The following CLNK variants were observed in gnomAD, a reference collection of about 807,000 sequenced individuals.
CLNK encodes the protein cytokine dependent hematopoietic cell linker.
Under a neutral mutation model 68.6 loss-of-function variants are expected in CLNK, and 74 were observed. The observed-to-expected ratio is 1.08, with a 90% CI of 0.89 to 1.31. CLNK has a LOEUF of 1.31. Ranked by LOEUF, CLNK falls within the 50% of genes most tolerant of loss-of-function variation. The pLI, the probability that CLNK is intolerant of heterozygous loss-of-function variation, is 0.00. For synonymous variants in CLNK, 198 were observed against 172.2 expected (o/e 1.15, Z -1.17); for missense variants, 553 against 515.3 (o/e 1.07, Z -0.71).
chr4:10,618,706 C>T (rs1159320431), intron 2 of CLNK, among the ~76,000 whole-genome samples: 1 of 152,078 alleles, frequency 6.6e-6, no homozygotes, highest in Non-Finnish European at 1.5e-5. Flanking sequence ...GAAGCAGAAG[C>T]AGGCACATCT....
At chr4:10,531,580 T>C (rs1345009443) in intron 12 of CLNK, 2 of 356,862 alleles carry the variant, frequency 5.6e-6, no homozygotes, top group East Asian at 1.5e-4. Context: ...TGGCTGGGAT[T>C]ACAGGCATGC....
intron 2 of CLNK, among the ~76,000 whole-genome samples, chr4:10,651,647 C>A (rs767134990): frequency 1.3e-5 from 2 of 151,784 alleles, no homozygotes; most frequent in Non-Finnish European, 1.5e-5. Flanking sequence ...AGTATGCTAA[C>A]TATTTGGGTA....
At chr4:10,716,684 A>C in the CLNK span, among the ~76,000 whole-genome samples, 1 of 91,788 alleles carries the variant, frequency 1.1e-5, no homozygotes, top group East Asian at 4.5e-4. Flanking sequence ...CAAGACAGAA[A>C]ACTTTTTTTT....
At chr4:10,690,245 C>A in the CLNK span, among the ~76,000 whole-genome samples, 11 of 152,088 alleles carry the variant, frequency 7.2e-5, no homozygotes, top group Non-Finnish European at 2.9e-5. Flanking sequence ...CTTCCTGGCC[C>A]AACCACCCTG....
At chr4:10,527,031 C>G (rs985530390) in intron 13 of CLNK, among the ~76,000 whole-genome samples, 1 of 152,136 alleles carries the variant, frequency 6.6e-6, no homozygotes, top group Non-Finnish European at 1.5e-5. Flanking sequence ...ATCGAAGGAC[C>G]GTGATTACTT....
intron 11 of CLNK, among the ~76,000 whole-genome samples, chr4:10,535,235 G>GAAAGAAAGAAAGAA (rs1553847879): frequency 3.3e-5 from 5 of 149,908 alleles, no homozygotes; most frequent in Non-Finnish European, 7.4e-5. Flanking sequence ...AAGAAAGAAA[G>GAAAGAAAGAAAGAA]AAAGAAAGAA....
the CLNK span, among the ~76,000 whole-genome samples, chr4:10,722,571 G>T: frequency 6.6e-6 from 1 of 152,180 alleles, no homozygotes; most frequent in Admixed American, 6.5e-5. Flanking sequence ...AATGTTACCA[G>T]TTGAGGGTGT....
the CLNK span, among the ~76,000 whole-genome samples, chr4:10,724,472 T>G: frequency 7.1e-6 from 1 of 141,340 alleles, no homozygotes; most frequent in East Asian, 2.2e-4. Context: ...TGATATTACA[T>G]TTTTAGTTAG....
At chr4:10,658,241 T>G (rs987057604) in intron 2 of CLNK, among the ~76,000 whole-genome samples, 1 of 152,232 alleles carries the variant, frequency 6.6e-6, no homozygotes, top group African/African-American at 2.4e-5. Context: ...GATTTATTAT[T>G]ATTCTCACTT....
At chr4:10,684,404 G>T (rs1329802079) in intron 1 of CLNK, among the ~76,000 whole-genome samples, 1 of 152,132 alleles carries the variant, frequency 6.6e-6, no homozygotes, top group African/African-American at 2.4e-5. Context: ...GGGAGTCCAA[G>T]CTCCAGGAAA....
At chr4:10,665,191 G>T (rs1386910812) in intron 2 of CLNK, among the ~76,000 whole-genome samples, 2 of 152,218 alleles carry the variant, frequency 1.3e-5, no homozygotes, top group Non-Finnish European at 2.9e-5. Context: ...CGCATTGCCA[G>T]CTTCAAATCT....
intron 2 of CLNK, among the ~76,000 whole-genome samples, chr4:10,640,932 A>G (rs1723282269): frequency 1.3e-5 from 2 of 152,220 alleles, no homozygotes; most frequent in Non-Finnish European, 2.9e-5. Flanking sequence ...TATAGCTAGA[A>G]GTGAAGCCAC....
At chr4:10,561,084 A>G (rs1171597191) in intron 7 of CLNK, among the ~76,000 whole-genome samples, 1 of 151,308 alleles carries the variant, frequency 6.6e-6, no homozygotes, top group Non-Finnish European at 1.5e-5. Flanking sequence ...ATTTTTTTTT[A>G]GAGATGAGAT....
intron 6 of CLNK, 106 bp from the exon 7 acceptor site, chr4:10,564,883 A>C: frequency 1.4e-6 from 1 of 715,020 alleles, no homozygotes; most frequent in South Asian, 1.6e-5. Context: ...TTACAACGTA[A>C]GTAAGAGCAA....
chr4:10,520,607 C>T (rs1718017434), intron 15 of CLNK, among the ~76,000 whole-genome samples, 184 bp downstream of exon 15: 1 of 152,166 alleles, frequency 6.6e-6, no homozygotes, highest in Admixed American at 6.5e-5. Context: ...CTAGAAACCA[C>T]CTAAGTGATC....
At chr4:10,496,609 G>T (rs1716818316) in intron 18 of CLNK, among the ~76,000 whole-genome samples, 1 of 152,206 alleles carries the variant, frequency 6.6e-6, no homozygotes, top group Non-Finnish European at 1.5e-5. Context: ...TTTCAAACGG[G>T]TGAGGGATTG....
chr4:10,663,148 A>G (rs1341941756), intron 2 of CLNK, among the ~76,000 whole-genome samples: 1 of 152,198 alleles, frequency 6.6e-6, no homozygotes, highest in African/African-American at 2.4e-5. Context: ...CTGGAAACCA[A>G]ACCCCAAGAT....
intron 16 of CLNK, among the ~76,000 whole-genome samples, chr4:10,511,598 G>A (rs961085258): frequency 1.3e-5 from 2 of 152,084 alleles, no homozygotes; most frequent in African/African-American, 4.8e-5. Flanking sequence ...TAGGTACCTT[G>A]TATTCCTGGA....
intron 14 of CLNK, among the ~76,000 whole-genome samples, chr4:10,522,339 C>T (rs776957820): frequency 2.5e-4 from 37 of 150,990 alleles, no homozygotes; most frequent in Middle Eastern, 3.5e-3. Flanking sequence ...TTTGGGAGGC[C>T]GAGGTGAGCA....
Sources: gnomAD v4.1 joint callset for allele counts (sites outside exome capture counted in the v4.1 genomes callset) on GRCh38, gnomAD v4.1.1 for gene constraint, MANE v1.5 for transcripts, NCBI Gene and HGNC (gene_info 2026-07-23, HGNC 2026-07-21) for gene names.